The following HSPA14 variants were observed in gnomAD, a reference collection of about 807,000 sequenced individuals.
HSPA14 encodes the protein heat shock 70 kDa protein 14.
Under a neutral mutation model 65.5 loss-of-function variants are expected in HSPA14, and 37 were observed. That is an observed-to-expected ratio of 0.56 (90% CI 0.43 to 0.74). The LOEUF is 0.74. Among genes scored for constraint, HSPA14 ranks in the 30% least tolerant of loss-of-function variants. The pLI is 0.00. For synonymous variants in HSPA14, 203 were observed against 214.2 expected (o/e 0.95, Z 0.46); for missense variants, 564 against 607.6 (o/e 0.93, Z 0.75).
intron 5 of HSPA14, 29 bp downstream of exon 5, chr10:14,848,924 C>T (rs776955165): frequency 8.8e-7 from 1 of 1,141,612 alleles, no homozygotes; most frequent in Non-Finnish European, 1.3e-6. Flanking sequence ...ATAATAGTTA[C>T]CTTTAATGAT....
At chr10:14,856,601 C>T (rs1278983170) in intron 10 of HSPA14, among the ~76,000 whole-genome samples, 1 of 152,172 alleles carries the variant, frequency 6.6e-6, no homozygotes. Flanking sequence ...ATGGCTCAAG[C>T]CTGTAATGCC....
At chr10:14,867,957 GGATTAGATT>G in intron 12 of HSPA14, 48 bp downstream of exon 12, 1 of 1,466,022 alleles carries the variant, frequency 6.8e-7, no homozygotes, top group Non-Finnish European at 9.3e-7. Context: ...TTTGCTTTCT[GGATTAGATT>G]CAGTTTAATA....
At chr10:14,843,803 G>C in intron 3 of HSPA14, 1 of 1,536,372 alleles carries the variant, frequency 6.5e-7, no homozygotes, top group East Asian at 2.4e-5. Flanking sequence ...GCAGTCAGAC[G>C]TTTGGCAACA....
intron 3 of HSPA14, chr10:14,846,213 TG>T: frequency 1.0e-6 from 1 of 985,292 alleles, no homozygotes; most frequent in Non-Finnish European, 1.2e-6. Context: ...TGGAAAGATA[TG>T]TGTCAATTAT....
chr10:14,838,467 G>T lies in HSPA14; in HGVS notation c.57+8G>T, dbSNP rs1833920602. On this transcript the variant is annotated splice_region_variant and intron_variant, in intron 1 of 13. Coordinates refer to ENST00000378372, the MANE Select transcript of HSPA14 (RefSeq NM_016299.4). ...TGTGTGGCCGTCTATAAGGTGAGGG[G>T]CTGCGGAGCTGGGCTAGGGCTTCAT... 2 of 1,600,356 alleles carry T rather than the reference G, an allele frequency of 1.2e-6. No individual in the cohort carries two copies. The highest frequency in any genetic ancestry group is 1.7e-6 in the Non-Finnish European group (2 of 1,175,728).
intron 3 of HSPA14, chr10:14,845,123 C>T: frequency 5.1e-6 from 5 of 985,410 alleles, no homozygotes; most frequent in Non-Finnish European, 6.0e-6. Flanking sequence ...CTCCTCCACA[C>T]CCCAGACACA....
Position 14,839,925 on chromosome 10 carries a change from T to G in HSPA14, c.78T>G (p.Val26=), listed in dbSNP as rs779539222. Residue 26 remains valine (V), a synonymous_variant, in exon 2 of 14, where the codon GTT becomes GTG. Coordinates refer to ENST00000378372, the MANE Select transcript of HSPA14 (RefSeq NM_016299.4). ...TCTAGGATGGCCGGGCTGGTGTGGT[T>G]GCAAATGATGCCGGTGACCGAGTTA... The part of the protein sequence containing the change: ...AVYKDGRAGV[V]ANDAGDRVTP... 1 of 1,613,222 alleles carries G rather than the reference T, an allele frequency of 6.2e-7. No individual in the cohort carries two copies. Among genetic ancestry groups the G allele is most frequent in the Non-Finnish European group, 8.5e-7 (1 of 1,179,528 alleles).
rs932968238 is a variant in HSPA14 at position 14,844,922 on chromosome 10, T to C, written c.222-3687T>C. The stretch of plus-strand genomic sequence containing the variant: ...TATACAGGGCAAGCCCTAGAAACGT[T>C]TCCTTTTGAGGAGCTTTCCAAGATT... On this transcript the variant is annotated intron_variant, in intron 3 of 13. Transcript: ENST00000378372. 8.1e-6 allele frequency: 8 copies of C among 985,352 alleles called. No homozygotes were observed. In the African/African-American group the frequency reaches 1.4e-4, roughly 17 times the overall value. 61.0% of individuals were successfully genotyped at this position (985,352 alleles called of 1,614,324 possible). A position where few individuals can be genotyped will look rare whatever the true frequency, so the allele number is the denominator to read the frequency against.
At chr10:14,851,146 TAGC>T in intron 6 of HSPA14, 70 bp from the exon 7 acceptor site, 1 of 819,120 alleles carries the variant, frequency 1.2e-6, no homozygotes, top group Non-Finnish European at 2.1e-6. Context: ...ATAAAATCTT[TAGC>T]AGATCATTTC....
At chr10:14,848,520 G>A (rs1834081609) in intron 3 of HSPA14, 89 bp from the exon 4 acceptor site, 2 of 861,504 alleles carry the variant, frequency 2.3e-6, no homozygotes, top group African/African-American at 1.7e-5. Context: ...TTTGTTCAGT[G>A]ATATTGTGAA....
chr10:14,861,244 G>A (rs1020652131), intron 10 of HSPA14, among the ~76,000 whole-genome samples: 2 of 152,264 alleles, frequency 1.3e-5, no homozygotes, highest in South Asian at 2.1e-4. Flanking sequence ...TGAGGGTGCT[G>A]GGAGAAGATG....
intron 3 of HSPA14, chr10:14,847,156 A>T (rs982339073): frequency 8.1e-6 from 3 of 371,758 alleles, no homozygotes; most frequent in Non-Finnish European, 1.1e-5. Context: ...CTCTTTATAA[A>T]GCAGTTGAGA....
At chr10:14,858,859 G>A (rs1832728683) in intron 10 of HSPA14, among the ~76,000 whole-genome samples, 1 of 152,204 alleles carries the variant, frequency 6.6e-6, no homozygotes, top group East Asian at 1.9e-4. Context: ...AATTTGTCCT[G>A]CAGTCATGAG....
In HSPA14 at chr10:14,842,922, A is replaced by AGT; in HGVS notation, c.221+2768_221+2769dup. The AGT allele has an allele frequency of 9.5e-7, 1 of 1,056,676 alleles. No homozygotes were observed. The highest frequency in any genetic ancestry group is 1.3e-6 in the Non-Finnish European group (1 of 747,188). 65.5% of individuals were successfully genotyped at this position (1,056,676 alleles called of 1,614,324 possible). A position where few individuals can be genotyped will look rare whatever the true frequency, so the allele number is the denominator to read the frequency against. On this transcript the variant is annotated intron_variant, in intron 3 of 13. Coordinates refer to ENST00000378372, the MANE Select transcript of HSPA14 (RefSeq NM_016299.4). The surrounding 1 kb of genome is among the most constrained non-coding windows in gnomAD (Gnocchi z 5.2). ...AACATTTAGCTGTGTCTGTTTGGAT[A>AGT]GTGTCCTCTTCAGCATAGTTCCTGT...
chr10:14,855,225 A>G (rs568249863), intron 9 of HSPA14, among the ~76,000 whole-genome samples: 1 of 152,342 alleles, frequency 6.6e-6, no homozygotes, highest in East Asian at 1.9e-4. Flanking sequence ...AGGTTTATAG[A>G]TATTAATAGA....
intron 3 of HSPA14, chr10:14,847,075 T>C: frequency 1.0e-6 from 1 of 977,438 alleles, no homozygotes; most frequent in Non-Finnish European, 1.2e-6. Flanking sequence ...TGCTTTCTCC[T>C]CTGCTAAGGG....
intron 6 of HSPA14, among the ~76,000 whole-genome samples, chr10:14,850,093 G>A (rs770697233): frequency 2.6e-5 from 4 of 152,116 alleles, no homozygotes; most frequent in Non-Finnish European, 5.9e-5. Context: ...AGCCAATATG[G>A]CCAAACCCTG....
chr10:14,847,634 C>T (rs1314148653), intron 3 of HSPA14, among the ~76,000 whole-genome samples: 3 of 152,120 alleles, frequency 2.0e-5, no homozygotes, highest in African/African-American at 4.8e-5. Context: ...TTTTAAACCC[C>T]GTTTGTCTGC....
chr10:14,845,621 TCTCACTG>T, intron 3 of HSPA14: 2 of 818,188 alleles, frequency 2.4e-6, no homozygotes, highest in Non-Finnish European at 3.0e-6. Flanking sequence ...TGAGAAAAAG[TCTCACTG>T]TTTTGCCCAG....
Sources: gnomAD v4.1 joint callset for allele counts (sites outside exome capture counted in the v4.1 genomes callset) on GRCh38, gnomAD v4.1.1 for gene constraint, Gnocchi (gnomAD v3.1) non-coding constraint, MANE v1.5 for transcripts, NCBI Gene and HGNC (gene_info 2026-07-23, HGNC 2026-07-21) for gene names.